Variants in ATRNL1 observed in about 807,000 individuals in gnomAD.
ATRNL1 encodes attractin like 1.
ATRNL1 carries 95 observed loss-of-function variants against 182.7 expected under a neutral mutation model. The ratio of observed to expected loss-of-function variants is 0.52; its 90% CI spans 0.44 to 0.62. ATRNL1 has a LOEUF of 0.62. Ranked by LOEUF, ATRNL1 falls within the 20% of genes least tolerant of loss-of-function variation. The pLI, the probability that ATRNL1 is intolerant of heterozygous loss-of-function variation, is 0.00. For missense variants in ATRNL1, 1,471 were observed against 1,679.5 expected (o/e 0.88, Z 2.17); for synonymous variants, 576 against 568.3 (o/e 1.01, Z -0.19).
At chr10:115,596,237 C>T (rs1856234028) in intron 26 of ATRNL1, among the ~76,000 whole-genome samples, 1 of 152,050 alleles carries the variant, frequency 6.6e-6, no homozygotes. Flanking sequence ...TCCTGAGTAG[C>T]TGGGATTACA....
In ATRNL1 at chr10:115,947,943, AC is replaced by A. The variant is rs1159674376; in HGVS notation, c.*3166del. ...ACACACAGAAAGCTCCCACAGTGGGACCTTGATGCAGCGTAGCTGGTATTAA... is the reference window on the plus strand; with the variant it reads ...ACACACAGAAAGCTCCCACAGTGGGACTTGATGCAGCGTAGCTGGTATTAA... On this transcript the variant is annotated 3_prime_UTR_variant, in exon 29 of 29. Transcript: ENST00000355044. The A allele has an allele frequency of 3.3e-5, 5 of 152,216 alleles. No homozygotes were observed. The highest frequency in any genetic ancestry group is 1.2e-4 in the African/African-American group (5 of 41,464). 9.4% of individuals were successfully genotyped at this position (152,216 alleles called of 1,614,324 possible). A position where few individuals can be genotyped will look rare whatever the true frequency, so the allele number is the denominator to read the frequency against.
intron 8 of ATRNL1, among the ~76,000 whole-genome samples, chr10:115,176,961 G>A (rs116817362): frequency 7.4e-4 from 113 of 152,144 alleles, no homozygotes; most frequent in African/African-American, 2.6e-3. Flanking sequence ...GTTCTTGGGA[G>A]TTCTTAAAGC....
chr10:115,776,992 C>G (rs1261531540), intron 27 of ATRNL1, among the ~76,000 whole-genome samples: 1 of 152,076 alleles, frequency 6.6e-6, no homozygotes, highest in African/African-American at 2.4e-5. Flanking sequence ...AATTGTAATA[C>G]ATACTGAAGG....
intron 8 of ATRNL1, among the ~76,000 whole-genome samples, chr10:115,203,273 T>G (rs1205070820): frequency 6.6e-6 from 1 of 152,122 alleles, no homozygotes; most frequent in African/African-American, 2.4e-5. Context: ...AAGCGAAACT[T>G]CAAACCTAGA....
intron 17 of ATRNL1, among the ~76,000 whole-genome samples, chr10:115,303,855 T>C (rs1490286248): frequency 8.6e-5 from 13 of 152,026 alleles, no homozygotes; most frequent in Admixed American, 8.5e-4. Context: ...TGGAGTCTGG[T>C]GTATCTATTA....
At chr10:115,129,920 T>C (rs1486416740) in intron 5 of ATRNL1, among the ~76,000 whole-genome samples, 2 of 152,164 alleles carry the variant, frequency 1.3e-5, no homozygotes, top group African/African-American at 4.8e-5. Context: ...CAAAAATAAA[T>C]GTTCAAAGGG....
chr10:115,624,883 G>C lies in ATRNL1; in HGVS notation c.3795+75347G>C, dbSNP rs549296463. ...TCATTTTCTTTAAGTTTCTAAGTTG[G>C]ATCTGCAATATCTTTAGAATTTGTA... On this transcript the variant is annotated intron_variant, in intron 26 of 28. Coordinates refer to ENST00000355044, the MANE Select transcript of ATRNL1 (RefSeq NM_207303.4). 2.6e-5 allele frequency among the ~76,000 whole-genome samples: 4 copies of C among 152,138 alleles called. No homozygotes were observed. In the South Asian group the frequency reaches 6.2e-4, roughly 24 times the overall value.
At chr10:115,921,734 T>C (rs1460580687) in intron 28 of ATRNL1, among the ~76,000 whole-genome samples, 3 of 152,208 alleles carry the variant, frequency 2.0e-5, no homozygotes, top group Admixed American at 6.5e-5. Flanking sequence ...TTAGTCACTT[T>C]CACTTCATGC....
chr10:115,591,770 C>G (rs1489693918), intron 26 of ATRNL1, among the ~76,000 whole-genome samples: 1 of 152,118 alleles, frequency 6.6e-6, no homozygotes, highest in Non-Finnish European at 1.5e-5. Flanking sequence ...GCTGATTACT[C>G]AAAGAACTTA....
intron 7 of ATRNL1, among the ~76,000 whole-genome samples, chr10:115,167,247 C>T (rs1055184781): frequency 6.6e-6 from 1 of 151,346 alleles, no homozygotes; most frequent in Admixed American, 6.6e-5. Flanking sequence ...CTATTTTATT[C>T]TATTGATCTA....
chr10:115,389,329 A>G (rs1257016659), intron 19 of ATRNL1, among the ~76,000 whole-genome samples: 3 of 151,340 alleles, frequency 2.0e-5, no homozygotes, highest in African/African-American at 7.3e-5. Flanking sequence ...ACATAGTGAA[A>G]CCCCATCTCT....
rs74929628 is a variant in ATRNL1 at position 115,723,367 on chromosome 10, G to A, written c.3796-3881G>A. Among the ~76,000 whole-genome samples the A allele has an allele frequency of 6.9e-3, 1,053 of 152,228 alleles. 13 individuals are homozygous for A. Among genetic ancestry groups the A allele is most frequent in the African/African-American group, 0.024 (981 of 41,542 alleles). ...GAGTATTATCCTAAAGTCATTCAAA[G>A]AGTTGTATGCCTTGTGGTGTTTGGA... On this transcript the variant is annotated intron_variant, in intron 26 of 28. Transcript: ENST00000355044.
At chr10:115,301,248 G>GTATA (rs141289534) in intron 16 of ATRNL1, among the ~76,000 whole-genome samples, 31 of 151,782 alleles carry the variant, frequency 2.0e-4, no homozygotes, top group African/African-American at 7.5e-4. Context: ...CTTCTTTGGG[G>GTATA]TATATATATA....
At chr10:115,330,977 C>A (rs1855187323) in intron 18 of ATRNL1, among the ~76,000 whole-genome samples, 1 of 151,674 alleles carries the variant, frequency 6.6e-6, no homozygotes, top group African/African-American at 2.4e-5. Context: ...TATCTGTTTT[C>A]TTCTCTGAGT....
intron 27 of ATRNL1, among the ~76,000 whole-genome samples, chr10:115,804,583 T>C (rs1354847504): frequency 6.6e-6 from 1 of 152,180 alleles, no homozygotes; most frequent in Admixed American, 6.5e-5. Context: ...CTTCAGCCTC[T>C]AAAACTGTGA....
At chr10:115,726,009 T>G (rs2134056833) in intron 26 of ATRNL1, among the ~76,000 whole-genome samples, 1 of 152,320 alleles carries the variant, frequency 6.6e-6, no homozygotes, top group South Asian at 2.1e-4. Flanking sequence ...ACAGTTGCAT[T>G]ATTTCTATCC....
intron 28 of ATRNL1, among the ~76,000 whole-genome samples, chr10:115,941,883 A>G (rs1025015476): frequency 3.3e-5 from 5 of 152,380 alleles, no homozygotes; most frequent in Middle Eastern, 3.4e-3. Context: ...TAAAACATCT[A>G]TGTTGGACTC....
chr10:115,345,819 T>C (rs74657380), intron 19 of ATRNL1, among the ~76,000 whole-genome samples: 1,962 of 152,338 alleles, frequency 0.013, 38 homozygotes, highest in African/African-American at 0.044. Flanking sequence ...ACTTATATTC[T>C]AGATATTTCA....
At chr10:115,655,105 C>T (rs1402674456) in intron 26 of ATRNL1, among the ~76,000 whole-genome samples, 1 of 152,100 alleles carries the variant, frequency 6.6e-6, no homozygotes, top group Non-Finnish European at 1.5e-5. Flanking sequence ...AATGTGAATC[C>T]ATCTTGGAAG....
Sources: allele counts gnomAD v4.1 joint callset (sites outside exome capture counted in the v4.1 genomes callset), GRCh38; gene constraint gnomAD v4.1.1; transcripts MANE v1.5; gene names NCBI Gene and HGNC (gene_info 2026-07-23, HGNC 2026-07-21).